ROBO2: variants seen among roughly 807,000 people sequenced by gnomAD.
The protein encoded by ROBO2 is roundabout homolog 2.
ROBO2 carries 53 observed loss-of-function variants against 160.8 expected under a neutral mutation model. The ratio of observed to expected loss-of-function variants is 0.33; its 90% CI spans 0.26 to 0.41. The LOEUF is 0.41. Among genes scored for constraint, ROBO2 ranks in the 10% least tolerant of loss-of-function variants. The probability of loss-of-function intolerance (pLI) is 1.00; values close to 1 mark genes in which losing one functional copy is unlikely to be tolerated. For synonymous variants in ROBO2, 664 were observed against 611.7 expected (o/e 1.09, Z -1.26); for missense variants, 1,577 against 1,722.4 (o/e 0.92, Z 1.49).
chr3:77,357,783 T>C (rs4683994), intron 2 of ROBO2, among the ~76,000 whole-genome samples: 1 of 152,076 alleles, frequency 6.6e-6, no homozygotes, highest in Non-Finnish European at 1.5e-5. Context: ...CTTAAATCAG[T>C]TGGGTTATTA....
chr3:76,561,465 G>A (rs535490341), intron 2 of ROBO2, among the ~76,000 whole-genome samples: 1 of 152,108 alleles, frequency 6.6e-6, no homozygotes, highest in African/African-American at 2.4e-5. Context: ...TGCCTTAATT[G>A]GATCAACCTG....
exon 24 of ROBO2, chr3:77,634,934 C>T (rs752182240): frequency 6.2e-7 from 1 of 1,614,094 alleles, no homozygotes; most frequent in South Asian, 1.1e-5. Context: ...ACAGTAACAC[C>T]AGTGCAGCCC....
At chr3:77,191,758 A>T (rs1367327248) in intron 2 of ROBO2, among the ~76,000 whole-genome samples, 1 of 152,156 alleles carries the variant, frequency 6.6e-6, no homozygotes, top group African/African-American at 2.4e-5. Flanking sequence ...ATGCATAAAC[A>T]AGTCCCCAGG....
intron 2 of ROBO2, among the ~76,000 whole-genome samples, chr3:77,265,370 T>C (rs559954103): frequency 6.6e-6 from 1 of 152,182 alleles, no homozygotes; most frequent in South Asian, 2.1e-4. Flanking sequence ...AAGATTGATC[T>C]TGTGGGGAAA....
At chr3:77,438,317 C>A (rs2079533512) in intron 2 of ROBO2, among the ~76,000 whole-genome samples, 1 of 151,878 alleles carries the variant, frequency 6.6e-6, no homozygotes, top group Non-Finnish European at 1.5e-5. Flanking sequence ...CCAAAGAGGA[C>A]TAGCAATTGT....
chr3:77,386,449 T>C (rs1324112296), intron 2 of ROBO2, among the ~76,000 whole-genome samples: 1 of 152,258 alleles, frequency 6.6e-6, no homozygotes, highest in East Asian at 1.9e-4. Context: ...TAATTCAGAC[T>C]GTGAAAATTA....
chr3:77,097,353 T>A (rs997650305), intron 1 of ROBO2, among the ~76,000 whole-genome samples: 13 of 152,180 alleles, frequency 8.5e-5, no homozygotes, highest in African/African-American at 3.1e-4. Flanking sequence ...TAACTTTTAC[T>A]TTTTTTCTTT....
intron 2 of ROBO2, among the ~76,000 whole-genome samples, chr3:77,018,891 A>G (rs985154515): frequency 6.6e-6 from 1 of 152,180 alleles, no homozygotes; most frequent in African/African-American, 2.4e-5. Flanking sequence ...ACTAGGAGTA[A>G]GGGTAATCTG....
chr3:76,462,067 A>AT (rs1363970692), intron 2 of ROBO2, among the ~76,000 whole-genome samples: 1 of 152,112 alleles, frequency 6.6e-6, no homozygotes, highest in Non-Finnish European at 1.5e-5. Flanking sequence ...CATCTCTGCC[A>AT]TTTTTTATGT....
intron 2 of ROBO2, among the ~76,000 whole-genome samples, chr3:76,058,588 A>AC (rs1181050910): frequency 3.1e-4 from 15 of 47,758 alleles, no homozygotes; most frequent in Non-Finnish European, 5.2e-4. Context: ...AACAGCAGAA[A>AC]CTTTTTTTTT....
At chr3:76,918,445 G>A (rs972428567) in intron 2 of ROBO2, among the ~76,000 whole-genome samples, 5 of 152,050 alleles carry the variant, frequency 3.3e-5, no homozygotes, top group African/African-American at 1.2e-4. Flanking sequence ...CAAGTCTCAG[G>A]TATTTCTTCA....
chr3:76,290,094 AT>A (rs962697470), intron 2 of ROBO2, among the ~76,000 whole-genome samples: 27 of 152,226 alleles, frequency 1.8e-4, no homozygotes, highest in African/African-American at 4.8e-4. Context: ...CAATGTGGCC[AT>A]TTTAGTGATA....
intron 2 of ROBO2, among the ~76,000 whole-genome samples, chr3:76,687,032 A>G (rs1441089782): frequency 6.6e-6 from 1 of 151,916 alleles, no homozygotes; most frequent in Non-Finnish European, 1.5e-5. Context: ...GTATCCTTTG[A>G]CTTCTAAAAT....
chr3:76,111,232 C>T (rs946907886), intron 2 of ROBO2, among the ~76,000 whole-genome samples: 7 of 151,984 alleles, frequency 4.6e-5, no homozygotes, highest in South Asian at 4.2e-4. Context: ...CACAGGGGGA[C>T]GTCATGTGAG....
chr3:77,515,992 AT>A (rs1252119857), intron 5 of ROBO2, among the ~76,000 whole-genome samples: 1 of 151,546 alleles, frequency 6.6e-6, no homozygotes, highest in Non-Finnish European at 1.5e-5. Context: ...ATAAAAGAGT[AT>A]TTTTATCTAT....
chr3:76,681,354 A>G (rs1560366398), intron 2 of ROBO2, among the ~76,000 whole-genome samples: 1 of 152,220 alleles, frequency 6.6e-6, no homozygotes, highest in Non-Finnish European at 1.5e-5. Context: ...CTTACCATAC[A>G]GCAGCTATTG....
chr3:76,308,233 T>C (rs981404535), intron 2 of ROBO2, among the ~76,000 whole-genome samples: 2 of 151,590 alleles, frequency 1.3e-5, no homozygotes, highest in African/African-American at 4.8e-5. Flanking sequence ...AGACATTAGC[T>C]GGGCGTGGTG....
intron 2 of ROBO2, among the ~76,000 whole-genome samples, chr3:76,791,646 T>C (rs924474982): frequency 1.3e-5 from 2 of 151,736 alleles, no homozygotes; most frequent in African/African-American, 4.8e-5. Context: ...CACTGCTATC[T>C]CATGAGAGAG....
chr3:77,426,678 C>CAGGAAGGAAGGAAGGA (rs142467400), intron 2 of ROBO2, among the ~76,000 whole-genome samples: 1 of 119,966 alleles, frequency 8.3e-6, no homozygotes, highest in Non-Finnish European at 1.7e-5. Flanking sequence ...ATCATTTGGT[C>CAGGAAGGAAGGAAGGA]AGGAAGGAAG....
Sources: allele counts gnomAD v4.1 joint callset (sites outside exome capture counted in the v4.1 genomes callset), GRCh38; gene constraint gnomAD v4.1.1; transcripts MANE v1.5; gene names NCBI Gene and HGNC (gene_info 2026-07-23, HGNC 2026-07-21).